MTA1: variants seen among roughly 807,000 people sequenced by gnomAD.
MTA1 encodes the protein metastasis associated 1, also known as metastasis-associated protein MTA1.
A neutral mutation model predicts 97.0 loss-of-function variants in MTA1; 15 were observed. The ratio of observed to expected loss-of-function variants is 0.15; its 90% CI spans 0.10 to 0.24. The LOEUF is 0.24. Ranked by LOEUF, MTA1 falls within the 10% of genes least tolerant of loss-of-function variation. MTA1 has a pLI of 1.00. For missense variants in MTA1, 709 were observed against 1,015.1 expected, an observed-to-expected ratio of 0.70 and a Z score of 4.10; for synonymous variants, 435 against 417.5, an observed-to-expected ratio of 1.04 and a Z score of -0.51.
rs781878955 is a variant in MTA1 at position 105,469,471 on chromosome 14, G to A, written c.1818G>A (p.Leu606=). 2 of 1,612,960 alleles carry A rather than the reference G, an allele frequency of 1.2e-6. No individual in the cohort carries two copies. The highest frequency in any genetic ancestry group is 3.3e-5 in the Admixed American group (2 of 60,022). The change falls in exon 19 of 21, where the codon CTG becomes CTA. Residue 606 remains leucine (L), a synonymous_variant. Coordinates refer to ENST00000331320, the MANE Select transcript of MTA1 (RefSeq NM_004689.4). ...KKRLLMPSRG[L]ANHGQARHMG... is the part of the protein sequence containing the mutation. ...CTCTCCTCCATTTCTCATCAGGTCTGGCAAACCACGGACAGGCCAGGCACA... is the reference window on the plus strand; with the variant it reads ...CTCTCCTCCATTTCTCATCAGGTCTAGCAAACCACGGACAGGCCAGGCACA...
At position 105,463,272 on chromosome 14, in the gene MTA1, C is replaced by G; in HGVS notation, c.1017+14C>G. ...TACGTGCAGCAGGTGAGCCCGCCCG[C>G]CACTCAGTGCCCGGGGTGTGCCGCC... On this transcript the variant is annotated intron_variant, in intron 11 of 20. Coordinates refer to ENST00000331320, the MANE Select transcript of MTA1 (RefSeq NM_004689.4). This position sits in a 1 kb window ranked among gnomAD's most constrained non-coding sequence, Gnocchi z 5.9. The G allele has an allele frequency of 6.2e-7, 1 of 1,610,600 alleles. No homozygotes were observed. The highest frequency in any genetic ancestry group is 1.1e-5 in the South Asian group (1 of 91,028).
chr14:105,444,898 T>G (rs1165642041), intron 2 of MTA1, among the ~76,000 whole-genome samples: 1 of 152,236 alleles, frequency 6.6e-6, no homozygotes, highest in Non-Finnish European at 1.5e-5. Flanking sequence ...AAAAACTCGT[T>G]CAGAAAACAT....
At chr14:105,455,317 G>T (rs1448712178) in intron 7 of MTA1, among the ~76,000 whole-genome samples, 1 of 152,266 alleles carries the variant, frequency 6.6e-6, no homozygotes, top group African/African-American at 2.4e-5. Flanking sequence ...GGGCCGTGGA[G>T]CTCCGACGCA....
intron 2 of MTA1, 127 bp from the exon 3 acceptor site, chr14:105,445,291 T>G: frequency 1.3e-6 from 1 of 743,990 alleles, no homozygotes; most frequent in Admixed American, 2.6e-5. Flanking sequence ...CCTCCTGGAG[T>G]CCCGAGGGGT....
At chr14:105,444,190 G>A (rs587740305) in intron 2 of MTA1, among the ~76,000 whole-genome samples, 3 of 151,796 alleles carry the variant, frequency 2.0e-5, no homozygotes, top group African/African-American at 4.8e-5. Flanking sequence ...TGGCTAACAC[G>A]GTGAAACCCA....
chr14:105,458,946 G>T (rs927829708), intron 8 of MTA1, among the ~76,000 whole-genome samples: 2 of 152,208 alleles, frequency 1.3e-5, no homozygotes, highest in Admixed American at 1.3e-4. Flanking sequence ...CCTGCGGGCT[G>T]CTCCCTGCGA....
intron 1 of MTA1, 146 bp from the exon 2 acceptor site, chr14:105,438,526 C>A (rs1332760108): frequency 4.1e-6 from 3 of 729,844 alleles, no homozygotes; most frequent in African/African-American, 3.5e-5. Flanking sequence ...GGGGGCTTCG[C>A]TTCCTCTGTT....
chr14:105,438,058 T>G (rs2082386560), intron 1 of MTA1, among the ~76,000 whole-genome samples: 1 of 152,214 alleles, frequency 6.6e-6, no homozygotes. Context: ...GTCCCTGAGC[T>G]CTGGTGAGCT....
At chr14:105,421,639 G>A (rs2081839888) in intron 1 of MTA1, among the ~76,000 whole-genome samples, 1 of 152,328 alleles carries the variant, frequency 6.6e-6, no homozygotes, top group East Asian at 1.9e-4. Flanking sequence ...CGCCAGCCTG[G>A]CTGCCCCCCC....
intron 18 of MTA1, 28 bp from the exon 19 acceptor site, chr14:105,469,439 C>T (rs2083736875): frequency 2.5e-6 from 4 of 1,612,522 alleles, no homozygotes; most frequent in East Asian, 2.2e-5. Context: ...CTCTCGGGGC[C>T]TCATTTCTCT....
Position 105,469,912 on chromosome 14 carries a change from C to T in MTA1, c.1917C>T (p.Ser639=). 6 of 1,611,994 alleles carry T rather than the reference C, an allele frequency of 3.7e-6. No individual in the cohort carries two copies. The highest frequency in any genetic ancestry group is 5.1e-6 in the Non-Finnish European group (6 of 1,179,620). Residue 639 remains serine, a synonymous_variant, in exon 20 of 21, where the codon TCC becomes TCT. Coordinates refer to ENST00000331320, the MANE Select transcript of MTA1 (RefSeq NM_004689.4). The stretch of plus-strand genomic sequence containing the variant: ...AAGTGCGCCTGATCCGGGGGGGCTC[C>T]CTGCCCCCAGTCAAGCGGCGGCGGA... The part of the protein sequence containing the change: ...PTKVRLIRGG[S]LPPVKRRRMN...
rs1756204149 is a variant in MTA1 at position 105,420,235 on chromosome 14, G to A, written c.28+172G>A. On this transcript the variant is annotated intron_variant, in intron 1 of 20. Coordinates refer to ENST00000331320, the MANE Select transcript of MTA1 (RefSeq NM_004689.4). This position sits in a 1 kb window ranked among gnomAD's most constrained non-coding sequence, Gnocchi z 5.3. Reference sequence around the variant, plus strand: ...CGCCGTGCTCACCCCAACCCAAAATGGCCCCGCGGGTCGGCCCCATCGGGG... The same window carrying A: ...CGCCGTGCTCACCCCAACCCAAAATAGCCCCGCGGGTCGGCCCCATCGGGG... 6.7e-6 allele frequency among the ~76,000 whole-genome samples: 1 copy of A among 148,272 alleles called. No homozygotes were observed. The highest frequency in any genetic ancestry group is 2.4e-5 in the African/African-American group (1 of 40,950).
chr14:105,432,571 T>A (rs2082208190), intron 1 of MTA1, among the ~76,000 whole-genome samples: 2 of 152,158 alleles, frequency 1.3e-5, no homozygotes, highest in Admixed American at 1.3e-4. Flanking sequence ...ATTGGAAAAT[T>A]TCAGAATGAG....
In MTA1 at chr14:105,441,207, C is replaced by G. The variant is rs587666390; in HGVS notation, c.96+2468C>G. 2.6e-5 allele frequency among the ~76,000 whole-genome samples: 4 copies of G among 152,202 alleles called. No homozygotes were observed. The South Asian group carries it at 6.2e-4, about 24-fold the overall frequency. ...GCACCAGACCCAGGCCAGCACAGTT[C>G]GTGCGGGGGCTGGAAGTGGGGATCG... On this transcript the variant is annotated intron_variant, in intron 2 of 20. Transcript: ENST00000331320.
intron 3 of MTA1, among the ~76,000 whole-genome samples, chr14:105,448,163 A>C (rs782587030): frequency 1.2e-4 from 19 of 152,190 alleles, no homozygotes; most frequent in Non-Finnish European, 2.1e-4. Flanking sequence ...TGGAGACCAC[A>C]GCCAAGAGTG....
At chr14:105,441,231 C>T (rs782450603) in intron 2 of MTA1, among the ~76,000 whole-genome samples, 3 of 152,088 alleles carry the variant, frequency 2.0e-5, no homozygotes, top group Non-Finnish European at 4.4e-5. Flanking sequence ...AAGTGGGGAT[C>T]GCCTGGCTCA....
At chr14:105,430,629 C>T (rs191514651) in intron 1 of MTA1, among the ~76,000 whole-genome samples, 1 of 152,290 alleles carries the variant, frequency 6.6e-6, no homozygotes, top group Non-Finnish European at 1.5e-5. Context: ...AACACAATAC[C>T]TGCAAAGCAT....
Position 105,466,560 on chromosome 14 carries a change from C to A in MTA1, c.1759C>A (p.Gln587Lys). Residue 587 changes from glutamine to lysine, a missense_variant, in exon 17 of 21, where the codon CAG (glutamine) becomes AAG (lysine). Physicochemically the swap from Gln to Lys is moderately conservative, Grantham distance 53 (BLOSUM62 1). Transcript: ENST00000331320. The part of the protein sequence containing the change: ...PTILGKRSYE[Q>K]HNGVDGNMKK... ...CATCCTGGGCAAGCGCAGCTACGAG[C>A]AGCACAACGGGGTGGACGGTGAGTG... 6.3e-7 allele frequency: 1 copy of A among 1,582,208 alleles called. No individual in the cohort carries two copies. Among genetic ancestry groups the A allele is most frequent in the Non-Finnish European group, 8.6e-7 (1 of 1,165,062 alleles).
At chr14:105,466,780 C>T (rs1555433037) in intron 18 of MTA1, 38 bp downstream of exon 18, 2 of 1,551,066 alleles carry the variant, frequency 1.3e-6, no homozygotes, top group South Asian at 1.2e-5. Flanking sequence ...TGCGCCGGCC[C>T]CGCCCGTGAT....
Sources: allele counts gnomAD v4.1 joint callset (sites outside exome capture counted in the v4.1 genomes callset), GRCh38; gene constraint gnomAD v4.1.1; non-coding constraint Gnocchi (gnomAD v3.1); transcripts MANE v1.5; gene names NCBI Gene and HGNC (gene_info 2026-07-23, HGNC 2026-07-21).